The following HS6ST3 variants were observed in gnomAD, a reference collection of about 807,000 sequenced individuals.
HS6ST3 encodes heparan sulfate 6-O-sulfotransferase 3.
HS6ST3 carries 12 observed loss-of-function variants against 36.7 expected under a neutral mutation model. The observed-to-expected ratio is 0.33, with a 90% confidence interval of 0.21 to 0.53. HS6ST3 has a LOEUF of 0.53. Among genes scored for constraint, HS6ST3 ranks in the 20% least tolerant of loss-of-function variants. The pLI is 0.95. For missense variants in HS6ST3, 584 were observed against 640.9 expected (o/e 0.91, Z 0.96); for synonymous variants, 240 against 257.5 (o/e 0.93, Z 0.65).
rs370178385 is a variant in HS6ST3 at position 96,456,103 on chromosome 13, C to T, written c.707+364534C>T. ...TGGAATTATAAAAACTCAGCTCTTC[C>T]AGGTAAACTTTTAGAAGGACAAACG... On this transcript the variant is annotated intron_variant, in intron 1 of 1. Transcript: ENST00000376705. 3.1e-3 allele frequency among the ~76,000 whole-genome samples: 467 copies of T among 152,242 alleles called. 2 individuals carry two copies. The highest frequency in any genetic ancestry group is 0.01 in the African/African-American group (434 of 41,556).
At chr13:96,417,330 C>T (rs2055538531) in intron 1 of HS6ST3, among the ~76,000 whole-genome samples, 1 of 152,134 alleles carries the variant, frequency 6.6e-6, no homozygotes, top group Non-Finnish European at 1.5e-5. Context: ...ATGCAACACT[C>T]TTCTTCCTTG....
chr13:96,241,630 T>C lies in HS6ST3; in HGVS notation c.707+150061T>C, dbSNP rs537418227. Reference sequence around the variant, plus strand: ...TTCAATAAAAATTAAATTTACCAACTTTTTTTTTTTTTTGCAGAGATGTGT... The same window carrying C: ...TTCAATAAAAATTAAATTTACCAACCTTTTTTTTTTTTTGCAGAGATGTGT... On this transcript the variant is annotated intron_variant, in intron 1 of 1. Coordinates refer to ENST00000376705, the MANE Select transcript of HS6ST3 (RefSeq NM_153456.4). 3.0e-3 allele frequency among the ~76,000 whole-genome samples: 403 copies of C among 132,524 alleles called. 3 individuals are homozygous for C. The highest frequency in any genetic ancestry group is 0.012 in the African/African-American group (385 of 32,036). 86.9% of individuals were successfully genotyped at this position (132,524 alleles called of 152,430 possible).
At chr13:96,409,560 G>T (rs1185586640) in intron 1 of HS6ST3, among the ~76,000 whole-genome samples, 2 of 152,128 alleles carry the variant, frequency 1.3e-5, no homozygotes, top group African/African-American at 4.8e-5. Context: ...CAGGTTATAT[G>T]CTAAGTTTCA....
intron 1 of HS6ST3, among the ~76,000 whole-genome samples, chr13:96,307,304 G>A (rs954750371): frequency 3.9e-5 from 6 of 152,084 alleles, no homozygotes; most frequent in East Asian, 1.9e-4. Flanking sequence ...ACATATCCTC[G>A]AAACAGAGAG....
intron 1 of HS6ST3, among the ~76,000 whole-genome samples, chr13:96,356,639 A>G (rs1372479424): frequency 2.0e-5 from 3 of 152,216 alleles, no homozygotes; most frequent in Non-Finnish European, 4.4e-5. Flanking sequence ...CTGTAAACAG[A>G]TTTGATGTCA....
intron 1 of HS6ST3, among the ~76,000 whole-genome samples, chr13:96,727,624 GA>G (rs1203354802): frequency 6.6e-6 from 1 of 152,128 alleles, no homozygotes; most frequent in Non-Finnish European, 1.5e-5. Context: ...AAACTCTCAG[GA>G]AGGAGCCAGA....
At chr13:96,416,995 C>G (rs2055536785) in intron 1 of HS6ST3, among the ~76,000 whole-genome samples, 1 of 152,254 alleles carries the variant, frequency 6.6e-6, no homozygotes, top group Non-Finnish European at 1.5e-5. Context: ...TGTGATCCGC[C>G]CGCCTCTGCC....
At chr13:96,696,857 C>T (rs1442653033) in intron 1 of HS6ST3, among the ~76,000 whole-genome samples, 1 of 152,086 alleles carries the variant, frequency 6.6e-6, no homozygotes, top group Non-Finnish European at 1.5e-5. Context: ...AAGACCTGCT[C>T]TCACCAAACC....
Position 96,248,868 on chromosome 13 carries a change from G to A in HS6ST3, c.707+157299G>A, listed in dbSNP as rs149998813. On this transcript the variant is annotated intron_variant, in intron 1 of 1. Coordinates refer to ENST00000376705, the MANE Select transcript of HS6ST3 (RefSeq NM_153456.4). ...ACATATACAATTTATATAGTAGCCT[G>A]TGCTAGTCAAGTTATCTCAAAATCT... 2.7e-3 allele frequency among the ~76,000 whole-genome samples: 412 copies of A among 152,300 alleles called. 3 individuals carry two copies. Among genetic ancestry groups the A allele is most frequent in the African/African-American group, 9.5e-3 (393 of 41,570 alleles).
chr13:96,492,569 A>G (rs996680974), intron 1 of HS6ST3, among the ~76,000 whole-genome samples: 1 of 152,242 alleles, frequency 6.6e-6, no homozygotes, highest in Non-Finnish European at 1.5e-5. Flanking sequence ...CTGCGGATAG[A>G]CAATCAGTTC....
chr13:96,829,155 T>G (rs566763913), intron 1 of HS6ST3, among the ~76,000 whole-genome samples: 8 of 152,254 alleles, frequency 5.3e-5, no homozygotes, highest in Admixed American at 5.2e-4. Context: ...CAATGTTAAA[T>G]TTTCTTACCA....
At chr13:96,598,730 G>A (rs1191614967) in intron 1 of HS6ST3, among the ~76,000 whole-genome samples, 1 of 152,102 alleles carries the variant, frequency 6.6e-6, no homozygotes, top group African/African-American at 2.4e-5. Flanking sequence ...AGTGATGAGT[G>A]TGGGCATCCT....
intron 1 of HS6ST3, among the ~76,000 whole-genome samples, chr13:96,259,456 A>C (rs1446914093): frequency 6.6e-6 from 1 of 152,180 alleles, no homozygotes; most frequent in Non-Finnish European, 1.5e-5. Flanking sequence ...TAGGTCAAAA[A>C]TGCTAGGATA....
intron 1 of HS6ST3, among the ~76,000 whole-genome samples, chr13:96,706,413 T>TTATA (rs3052119): frequency 0.043 from 5,191 of 120,900 alleles, 163 homozygotes; most frequent in Non-Finnish European, 0.049. Flanking sequence ...AGAATATATT[T>TTATA]TATATATATA....
chr13:96,706,394 AAATAT>A (rs1363145338), intron 1 of HS6ST3, among the ~76,000 whole-genome samples: 3 of 136,538 alleles, frequency 2.2e-5, no homozygotes, highest in East Asian at 2.1e-4. Context: ...TATATATATA[AAATAT>A]AATAGAATAT....
At chr13:96,801,911 T>C (rs1006104632) in intron 1 of HS6ST3, among the ~76,000 whole-genome samples, 2 of 152,108 alleles carry the variant, frequency 1.3e-5, no homozygotes, top group African/African-American at 2.4e-5. Flanking sequence ...TAGAGGGATG[T>C]CACAGGAAGA....
chr13:96,778,679 G>A (rs142989752), intron 1 of HS6ST3, among the ~76,000 whole-genome samples: 40 of 152,264 alleles, frequency 2.6e-4, no homozygotes, highest in Admixed American at 1.6e-3. Flanking sequence ...AACAGACGGC[G>A]GAGAGGATGT....
intron 1 of HS6ST3, among the ~76,000 whole-genome samples, chr13:96,690,830 A>AGT (rs1396059435): frequency 2.2e-4 from 1 of 4,550 alleles, no homozygotes; most frequent in African/African-American, 2.5e-4. Context: ...TCTGAATATG[A>AGT]CTTATTCTTC....
At chr13:96,715,564 C>T (rs1431920681) in intron 1 of HS6ST3, among the ~76,000 whole-genome samples, 3 of 151,968 alleles carry the variant, frequency 2.0e-5, no homozygotes, top group Non-Finnish European at 4.4e-5. Flanking sequence ...AAAGTAGTCT[C>T]CTTAGACTTT....
Sources: allele counts gnomAD v4.1 joint callset (sites outside exome capture counted in the v4.1 genomes callset), GRCh38; gene constraint gnomAD v4.1.1; transcripts MANE v1.5; gene names NCBI Gene and HGNC (gene_info 2026-07-23, HGNC 2026-07-21).